The following ST6GAL1 variants were observed in gnomAD, a reference collection of about 807,000 sequenced individuals.
The protein encoded by ST6GAL1 is beta-galactoside alpha-2,6-sialyltransferase 1.
A neutral mutation model predicts 38.0 loss-of-function variants in ST6GAL1; 20 were observed. That is an observed-to-expected ratio of 0.53 (90% CI 0.37 to 0.77). ST6GAL1 has a LOEUF of 0.77. Ranked by LOEUF, ST6GAL1 falls within the 30% of genes least tolerant of loss-of-function variation. The probability of loss-of-function intolerance (pLI) is 0.00; values close to 1 mark genes in which losing one functional copy is unlikely to be tolerated. For missense variants in ST6GAL1, 432 were observed against 496.4 expected, an observed-to-expected ratio of 0.87 and a Z score of 1.23; for synonymous variants, 196 against 188.2, an observed-to-expected ratio of 1.04 and a Z score of -0.34.
chr3:187,071,634 G>A (rs545718050), intron 5 of ST6GAL1, among the ~76,000 whole-genome samples: 6 of 151,850 alleles, frequency 4.0e-5, no homozygotes, highest in African/African-American at 1.2e-4. Flanking sequence ...GGTGGCGGGC[G>A]TCTGTAGTCC....
rs140538757 is a variant in ST6GAL1, at chr3:186,999,398, A to G, written c.-183+35472A>G. On this transcript the variant is annotated intron_variant, in intron 2 of 7. Transcript: ENST00000169298. ...GGCCCGGATTTGTCGCCTTGAAGGA[A>G]GACTACTATAATCTCTTTTTTTTTT... 2.8e-4 allele frequency among the ~76,000 whole-genome samples: 42 copies of G among 147,606 alleles called. No individual in the cohort carries two copies. The East Asian group carries it at 7.0e-3, about 25-fold the overall frequency.
chr3:187,027,753 G>T (rs1241065384), intron 2 of ST6GAL1, among the ~76,000 whole-genome samples: 4 of 152,072 alleles, frequency 2.6e-5, no homozygotes, highest in Non-Finnish European at 5.9e-5. Flanking sequence ...AGAGCTGACC[G>T]CAAGATGCTC....
intron 5 of ST6GAL1, among the ~76,000 whole-genome samples, chr3:187,071,618 G>C (rs1388250066): frequency 6.6e-6 from 1 of 151,690 alleles, no homozygotes; most frequent in Non-Finnish European, 1.5e-5. Flanking sequence ...AAAATTAGCC[G>C]GGCGTGGTGG....
At chr3:187,044,511 ACTT>A (rs1342707694) in intron 4 of ST6GAL1, among the ~76,000 whole-genome samples, 1 of 152,126 alleles carries the variant, frequency 6.6e-6, no homozygotes, top group Non-Finnish European at 1.5e-5. Context: ...CCCCACCTCA[ACTT>A]CTGCTTTTGT....
intron 2 of ST6GAL1, among the ~76,000 whole-genome samples, chr3:187,032,763 T>C (rs1455866664): frequency 6.6e-6 from 1 of 152,160 alleles, no homozygotes; most frequent in Admixed American, 6.5e-5. Context: ...CCGTCCTTCT[T>C]TGAGCTGATG....
intron 1 of ST6GAL1, among the ~76,000 whole-genome samples, chr3:186,960,638 A>G (rs148353755): frequency 2.1e-3 from 320 of 152,174 alleles, no homozygotes; most frequent in Non-Finnish European, 3.7e-3. Flanking sequence ...TGGTGATAGG[A>G]GGAAGTTATA....
intron 1 of ST6GAL1, among the ~76,000 whole-genome samples, chr3:186,943,191 C>G (rs1714238671): frequency 6.6e-6 from 1 of 152,234 alleles, no homozygotes; most frequent in Non-Finnish European, 1.5e-5. Flanking sequence ...AGGCAACACA[C>G]AAGCTGTGTC....
At chr3:186,945,404 G>A (rs77443082) in intron 1 of ST6GAL1, among the ~76,000 whole-genome samples, 6,404 of 152,096 alleles carry the variant, frequency 0.042, 444 homozygotes, top group African/African-American at 0.15. Context: ...AGTATGTCAG[G>A]CAGACATCCT....
intron 2 of ST6GAL1, among the ~76,000 whole-genome samples, chr3:186,976,435 T>A (rs1181655134): frequency 6.6e-6 from 1 of 152,084 alleles, no homozygotes; most frequent in Non-Finnish European, 1.5e-5. Context: ...TTTCATTCTT[T>A]TTTTTTTTAT....
At chr3:186,961,367 T>TCAG (rs1714930801) in intron 1 of ST6GAL1, among the ~76,000 whole-genome samples, 1 of 152,042 alleles carries the variant, frequency 6.6e-6, no homozygotes, top group Non-Finnish European at 1.5e-5. Context: ...CTGACTAGAG[T>TCAG]CTTTTTTCAC....
At chr3:187,022,237 T>A (rs902677377) in intron 2 of ST6GAL1, among the ~76,000 whole-genome samples, 3 of 152,084 alleles carry the variant, frequency 2.0e-5, no homozygotes, top group African/African-American at 7.2e-5. Context: ...CTGGTGTCGC[T>A]GCTTGGTGTT....
chr3:186,988,837 C>T (rs1294943095), intron 2 of ST6GAL1, among the ~76,000 whole-genome samples: 4 of 152,030 alleles, frequency 2.6e-5, no homozygotes, highest in African/African-American at 9.7e-5. Flanking sequence ...TGGCTTGAGT[C>T]CGAGAGGTGG....
chr3:187,063,518 A>G (rs1340607834), intron 5 of ST6GAL1, among the ~76,000 whole-genome samples: 2 of 152,182 alleles, frequency 1.3e-5, no homozygotes, highest in Non-Finnish European at 2.9e-5. Flanking sequence ...AAGAGAATGA[A>G]TTTAGAGAGA....
intron 5 of ST6GAL1, among the ~76,000 whole-genome samples, chr3:187,055,955 G>T (rs537606645): frequency 9.9e-5 from 15 of 152,222 alleles, no homozygotes; most frequent in African/African-American, 3.4e-4. Flanking sequence ...CTCTTTGTAG[G>T]TCTCTGAGGA....
chr3:186,951,626 T>G (rs917059069), intron 1 of ST6GAL1, among the ~76,000 whole-genome samples: 6 of 152,200 alleles, frequency 3.9e-5, no homozygotes, highest in African/African-American at 1.4e-4. Flanking sequence ...TCTAGATGAC[T>G]GTTTCGCACC....
In ST6GAL1 at chr3:186,984,489, C is replaced by T. The variant is rs142853760; in HGVS notation, c.-183+20563C>T. On this transcript the variant is annotated intron_variant, in intron 2 of 7. Coordinates refer to ENST00000169298, the MANE Select transcript of ST6GAL1 (RefSeq NM_173216.2). ...TGTTTGTTCCTCCCGGACCCCGTCT[C>T]CATGTACCCTCTTCCTTGATCCTTT... is the stretch of plus-strand genomic sequence containing the variant. 1.9e-3 allele frequency among the ~76,000 whole-genome samples: 294 copies of T among 152,240 alleles called. 1 individual carries two copies. The highest frequency in any genetic ancestry group is 4.8e-3 in the South Asian group (23 of 4,822).
At chr3:186,950,478 A>G (rs1246117417) in intron 1 of ST6GAL1, among the ~76,000 whole-genome samples, 1 of 152,228 alleles carries the variant, frequency 6.6e-6, no homozygotes, top group Admixed American at 6.5e-5. Flanking sequence ...GCTTAGGGCT[A>G]GGAGCAGGAG....
At chr3:186,935,213 C>T (rs1276758238) in intron 1 of ST6GAL1, among the ~76,000 whole-genome samples, 2 of 151,980 alleles carry the variant, frequency 1.3e-5, no homozygotes, top group Non-Finnish European at 2.9e-5. Context: ...TTTGTGTCCA[C>T]GTGTTCTCAT....
intron 2 of ST6GAL1, among the ~76,000 whole-genome samples, chr3:187,003,193 A>G (rs1716677594): frequency 6.6e-6 from 1 of 152,038 alleles, no homozygotes; most frequent in Non-Finnish European, 1.5e-5. Flanking sequence ...CCAAAACAAC[A>G]ACAGCAAAAA....
Sources: allele counts gnomAD v4.1 joint callset (sites outside exome capture counted in the v4.1 genomes callset), GRCh38; gene constraint gnomAD v4.1.1; transcripts MANE v1.5; gene names NCBI Gene and HGNC (gene_info 2026-07-23, HGNC 2026-07-21).